The following XNDC1N variants were observed in gnomAD, a reference collection of about 807,000 sequenced individuals.
XNDC1N encodes protein XNDC1N.
At chr11:71,872,390 G>A in the XNDC1N span, among the ~76,000 whole-genome samples, 23 of 152,238 alleles carry the variant, frequency 1.5e-4, no homozygotes, top group African/African-American at 5.1e-4. Context: ...TTTCTATATT[G>A]TGCTTATTCT....
the XNDC1N span, among the ~76,000 whole-genome samples, chr11:71,911,907 T>C: frequency 6.6e-6 from 1 of 152,196 alleles, no homozygotes; most frequent in African/African-American, 2.4e-5. Context: ...CACCTGATCT[T>C]GGACCTACTT....
chr11:71,913,665 TAAAAAAAA>T, the XNDC1N span, among the ~76,000 whole-genome samples: 3 of 105,338 alleles, frequency 2.8e-5, no homozygotes, highest in South Asian at 3.0e-4. Context: ...TCTCAAAAGA[TAAAAAAAA>T]AAAAAAAAAA....
chr11:71,868,962 G>T, the XNDC1N span, among the ~76,000 whole-genome samples: 1 of 152,018 alleles, frequency 6.6e-6, no homozygotes, highest in South Asian at 2.1e-4. Context: ...TTTCTCAGAG[G>T]TTTGTTCATC....
the XNDC1N span, among the ~76,000 whole-genome samples, chr11:71,881,728 A>G: frequency 6.6e-6 from 1 of 152,218 alleles, no homozygotes; most frequent in African/African-American, 2.4e-5. Flanking sequence ...TGGTTAGCCC[A>G]TAACAATGAA....
chr11:71,902,344 G>A, the XNDC1N span, among the ~76,000 whole-genome samples: 26 of 152,264 alleles, frequency 1.7e-4, no homozygotes, highest in African/African-American at 6.0e-4. Flanking sequence ...GGCGCACGCC[G>A]CCATACCGGG....
chr11:71,866,153 T>G, the XNDC1N span, among the ~76,000 whole-genome samples: 1 of 152,040 alleles, frequency 6.6e-6, no homozygotes, highest in African/African-American at 2.4e-5. Flanking sequence ...CCCCTTTTTT[T>G]TTTTTTTACT....
At chr11:71,905,444 T>A in the XNDC1N span, among the ~76,000 whole-genome samples, 8 of 151,562 alleles carry the variant, frequency 5.3e-5, no homozygotes, top group Admixed American at 3.9e-4. Flanking sequence ...TACAATAATA[T>A]AACAGGGTGT....
chr11:71,914,157 T>C, the XNDC1N span, among the ~76,000 whole-genome samples: 1 of 152,140 alleles, frequency 6.6e-6, no homozygotes, highest in African/African-American at 2.4e-5. Context: ...AAGAAATAAA[T>C]TCTGTAAGGC....
At chr11:71,882,597 T>C in the XNDC1N span, among the ~76,000 whole-genome samples, 1 of 152,212 alleles carries the variant, frequency 6.6e-6, no homozygotes. Flanking sequence ...TTGTCACCAG[T>C]AGTCCTACCT....
chr11:71,917,319 A>T, the XNDC1N span: 1 of 644,458 alleles, frequency 1.6e-6, no homozygotes, highest in Non-Finnish European at 2.8e-6. Context: ...TGGCCACAAA[A>T]ATATATTAAT....
the XNDC1N span, chr11:71,928,364 C>A: frequency 1.5e-6 from 1 of 668,138 alleles, no homozygotes. Flanking sequence ...ACGCCCCTCA[C>A]CCGGGACCGT....
the XNDC1N span, among the ~76,000 whole-genome samples, chr11:71,891,658 G>C: frequency 1.3e-5 from 2 of 152,010 alleles, no homozygotes; most frequent in African/African-American, 4.8e-5. Context: ...TCACAGGGGT[G>C]CTGTACAATT....
At chr11:71,916,062 C>G in the XNDC1N span, 110 of 696,900 alleles carry the variant, frequency 1.6e-4, 2 homozygotes, top group Admixed American at 2.2e-3. Context: ...CTCACTCCAT[C>G]ATCATACATA....
the XNDC1N span, among the ~76,000 whole-genome samples, chr11:71,919,762 C>G: frequency 6.7e-6 from 1 of 148,326 alleles, no homozygotes; most frequent in Non-Finnish European, 1.5e-5. Flanking sequence ...GGACTACAGG[C>G]GCCCACCACC....
chr11:71,887,194 C>T, the XNDC1N span, among the ~76,000 whole-genome samples: 1 of 152,100 alleles, frequency 6.6e-6, no homozygotes, highest in South Asian at 2.1e-4. Flanking sequence ...AGTAACCGCC[C>T]CGGTCGCCCG....
chr11:71,871,936 T>C, the XNDC1N span, among the ~76,000 whole-genome samples: 3 of 152,200 alleles, frequency 2.0e-5, no homozygotes, highest in Non-Finnish European at 4.4e-5. Context: ...TATCACCGCT[T>C]TGGAAAATAG....
At chr11:71,901,714 C>T in the XNDC1N span, among the ~76,000 whole-genome samples, 1 of 152,040 alleles carries the variant, frequency 6.6e-6, no homozygotes, top group African/African-American at 2.4e-5. Context: ...GAATACCACA[C>T]TTTCTACTTC....
chr11:71,918,082 C>T, the XNDC1N span, among the ~76,000 whole-genome samples: 1 of 152,158 alleles, frequency 6.6e-6, no homozygotes, highest in East Asian at 1.9e-4. Flanking sequence ...TAATTCCTTG[C>T]TAGGGTGCCT....
chr11:71,884,669 T>C, the XNDC1N span: 41,095 of 1,368,834 alleles, frequency 0.03, 707 homozygotes, highest in East Asian at 0.065. Context: ...ATTGCATGTT[T>C]AGATGGTCAG....
Sources: allele counts gnomAD v4.1 joint callset (sites outside exome capture counted in the v4.1 genomes callset), GRCh38; gene constraint gnomAD v4.1.1; transcripts MANE v1.5; gene names NCBI Gene and HGNC (gene_info 2026-07-23, HGNC 2026-07-21).